The following MPP7 variants were observed in gnomAD, a reference collection of about 807,000 sequenced individuals.
The protein encoded by MPP7 is MAGUK p55 subfamily member 7.
A neutral mutation model predicts 76.5 loss-of-function variants in MPP7; 60 were observed. That is an observed-to-expected ratio of 0.78 (90% CI 0.64 to 0.97). MPP7 has a LOEUF of 0.97. Ranked by LOEUF, MPP7 falls within the 50% of genes least tolerant of loss-of-function variation. The probability of loss-of-function intolerance (pLI) is 0.00; values close to 1 mark genes in which losing one functional copy is unlikely to be tolerated. For missense variants in MPP7, 641 were observed against 694.0 expected (o/e 0.92, Z 0.86); for synonymous variants, 237 against 244.5 (o/e 0.97, Z 0.29).
intron 5 of MPP7, among the ~76,000 whole-genome samples, chr10:28,143,225 T>A (rs1231861158): frequency 2.6e-5 from 4 of 152,148 alleles, no homozygotes; most frequent in Non-Finnish European, 4.4e-5. Flanking sequence ...AGAGCAGTTA[T>A]CCCTAGAGGT....
At chr10:28,281,678 A>G (rs926335838) in intron 1 of MPP7, among the ~76,000 whole-genome samples, 2 of 151,818 alleles carry the variant, frequency 1.3e-5, no homozygotes, top group Non-Finnish European at 1.5e-5. Context: ...TGCACTAAAT[A>G]CTTCTAATGT....
At chr10:28,074,802 T>C (rs1199807881) in intron 12 of MPP7, among the ~76,000 whole-genome samples, 1 of 152,204 alleles carries the variant, frequency 6.6e-6, no homozygotes, top group Admixed American at 6.5e-5. Flanking sequence ...AGCCCTTAAT[T>C]CAACAGCCCT....
intron 5 of MPP7, among the ~76,000 whole-genome samples, chr10:28,138,801 T>C (rs1835423946): frequency 6.6e-6 from 1 of 152,254 alleles, no homozygotes; most frequent in Admixed American, 6.5e-5. Context: ...CATATAAATG[T>C]ACAGAATTAT....
chr10:28,160,113 GA>G (rs59503220), intron 3 of MPP7, among the ~76,000 whole-genome samples: 128,033 of 142,786 alleles, frequency 0.9, 57,184 homozygotes, highest in South Asian at 0.94. Context: ...TTGATCATTA[GA>G]AAAAAAAAAA....
At chr10:28,078,372 A>G (rs1313908352) in intron 12 of MPP7, among the ~76,000 whole-genome samples, 2 of 152,224 alleles carry the variant, frequency 1.3e-5, no homozygotes, top group Non-Finnish European at 2.9e-5. Context: ...CTGAATGAGG[A>G]TGATGTGCAG....
intron 2 of MPP7, among the ~76,000 whole-genome samples, chr10:28,204,400 A>G (rs1312455990): frequency 2.0e-5 from 3 of 146,566 alleles, no homozygotes; most frequent in Non-Finnish European, 1.5e-5. Flanking sequence ...CCAAGACCAC[A>G]CCATTGCACT....
chr10:28,241,005 T>C (rs1197198161), intron 1 of MPP7, among the ~76,000 whole-genome samples: 1 of 152,130 alleles, frequency 6.6e-6, no homozygotes, highest in African/African-American at 2.4e-5. Flanking sequence ...GAGAAAAGCC[T>C]AAATTTATAT....
intron 2 of MPP7, among the ~76,000 whole-genome samples, chr10:28,234,732 T>TA (rs1232072606): frequency 1.3e-5 from 2 of 152,210 alleles, no homozygotes; most frequent in African/African-American, 4.8e-5. Context: ...ACAATATACC[T>TA]AACCAGAACT....
At chr10:28,320,647 A>T (rs1479398457) in intron 2 of MPP7, among the ~76,000 whole-genome samples, 1 of 152,160 alleles carries the variant, frequency 6.6e-6, no homozygotes, top group Non-Finnish European at 1.5e-5. Context: ...ACATCGTTTC[A>T]TATCAATTTT....
At chr10:28,311,592 T>C (rs549337030) in intron 2 of MPP7, among the ~76,000 whole-genome samples, 1 of 152,258 alleles carries the variant, frequency 6.6e-6, no homozygotes, top group African/African-American at 2.4e-5. Context: ...TTGATTGAAA[T>C]ATACATATAG....
At chr10:28,304,081 AT>A (rs1841227420), upstream of MPP7, among the ~76,000 whole-genome samples, 1 of 152,222 alleles carries the variant, frequency 6.6e-6, no homozygotes, top group African/African-American at 2.4e-5. Flanking sequence ...CAGAAAAAAA[AT>A]AATGTGACAA....
intron 8 of MPP7, among the ~76,000 whole-genome samples, 192 bp downstream of exon 8, chr10:28,123,839 T>C (rs1461911759): frequency 6.6e-6 from 1 of 152,138 alleles, no homozygotes; most frequent in African/African-American, 2.4e-5. Flanking sequence ...TTACCTCTTA[T>C]TCTCATTTTG....
intron 5 of MPP7, among the ~76,000 whole-genome samples, chr10:28,133,906 C>T (rs1413866314): frequency 2.6e-5 from 4 of 152,048 alleles, no homozygotes; most frequent in Non-Finnish European, 5.9e-5. Flanking sequence ...TTTTTCATTG[C>T]TATATAGTTT....
intron 2 of MPP7, among the ~76,000 whole-genome samples, chr10:28,322,634 C>A (rs12254001): frequency 6.6e-6 from 1 of 151,868 alleles, no homozygotes; most frequent in Non-Finnish European, 1.5e-5. Context: ...AAACTCAGTG[C>A]TCTCTAGAGC....
intron 13 of MPP7, among the ~76,000 whole-genome samples, chr10:28,068,775 ACT>A (rs1006809798): frequency 4.6e-5 from 7 of 152,110 alleles, no homozygotes; most frequent in Admixed American, 1.3e-4. Flanking sequence ...CTGGTGAAAA[ACT>A]CTGGAAAACA....
intron 1 of MPP7, among the ~76,000 whole-genome samples, chr10:28,330,943 T>C (rs1457928008): frequency 6.6e-6 from 1 of 152,132 alleles, no homozygotes; most frequent in Non-Finnish European, 1.5e-5. Context: ...TTACAGGTGT[T>C]AGCCACAGCA....
intron 2 of MPP7, among the ~76,000 whole-genome samples, chr10:28,221,053 G>A (rs150518763): frequency 3.9e-5 from 6 of 152,050 alleles, no homozygotes; most frequent in South Asian, 2.1e-4. Context: ...ATAATGCAGC[G>A]GCTGAACTCC....
intron 12 of MPP7, among the ~76,000 whole-genome samples, chr10:28,086,789 C>T (rs1853030599): frequency 6.6e-6 from 1 of 152,054 alleles, no homozygotes; most frequent in Admixed American, 6.6e-5. Flanking sequence ...GTTCCAGATC[C>T]ACTATATCGG....
chr10:28,335,040 G>A (rs1338714100), upstream of MPP7, among the ~76,000 whole-genome samples: 3 of 152,174 alleles, frequency 2.0e-5, no homozygotes, highest in East Asian at 1.9e-4. Context: ...GCTGTCATCC[G>A]AAGATTTCAC....
Sources: gnomAD v4.1 joint callset for allele counts (sites outside exome capture counted in the v4.1 genomes callset) on GRCh38, gnomAD v4.1.1 for gene constraint, MANE v1.5 for transcripts, NCBI Gene and HGNC (gene_info 2026-07-23, HGNC 2026-07-21) for gene names.